The following CACNA2D1 variants were observed in gnomAD, a reference collection of about 807,000 sequenced individuals.
CACNA2D1 encodes voltage-dependent calcium channel subunit alpha-2/delta-1.
A neutral mutation model predicts 171.5 loss-of-function variants in CACNA2D1; 53 were observed. The observed-to-expected ratio is 0.31, with a 90% CI of 0.25 to 0.39. The LOEUF (loss-of-function observed/expected upper bound fraction) is 0.39. CACNA2D1 is among the 10% of genes least tolerant of loss of function. The pLI is 1.00. For synonymous variants in CACNA2D1, 442 were observed against 443.1 expected (o/e 1.00, Z 0.03); for missense variants, 903 against 1,299.8 (o/e 0.69, Z 4.69).
chr7:81,953,816 T>C (rs896160253), intron 38 of CACNA2D1, among the ~76,000 whole-genome samples: 2 of 152,166 alleles, frequency 1.3e-5, no homozygotes, highest in African/African-American at 2.4e-5. Context: ...TTTGTCATCT[T>C]TATACTCTAC....
chr7:82,101,187 C>A lies in CACNA2D1; in HGVS notation c.526+15857G>T, dbSNP rs892244626. ...AAATCTAAAGAAGAAAACAATTCTG[C>A]ACAAGTACCAACTGTATATTACCAA... On this transcript the variant is annotated intron_variant, in intron 6 of 38. Transcript: ENST00000356860. 1.1e-4 allele frequency among the ~76,000 whole-genome samples: 16 copies of A among 152,208 alleles called. No individual in the cohort carries two copies. The East Asian group carries it at 2.9e-3, about 28-fold the overall frequency.
At chr7:81,997,295 A>C in intron 18 of CACNA2D1, 45 bp from the exon 19 acceptor site, 1 of 1,197,320 alleles carries the variant, frequency 8.4e-7, no homozygotes, top group Non-Finnish European at 1.2e-6. Flanking sequence ...ACATTATACA[A>C]TGATGCTGTG....
intron 3 of CACNA2D1, among the ~76,000 whole-genome samples, chr7:82,252,657 C>A (rs942446064): frequency 3.3e-5 from 5 of 152,034 alleles, no homozygotes; most frequent in Non-Finnish European, 7.4e-5. Flanking sequence ...TTTGGGAGGC[C>A]AAGGCGGGCA....
intron 3 of CACNA2D1, among the ~76,000 whole-genome samples, chr7:82,181,071 TTTTTTTGC>T: frequency 7.6e-6 from 1 of 132,184 alleles, no homozygotes; most frequent in East Asian, 2.3e-4. Context: ...TTTTTTTTTT[TTTTTTTGC>T]GTCAGTGAGA....
chr7:82,079,174 G>C (rs544151480), intron 7 of CACNA2D1, among the ~76,000 whole-genome samples: 1 of 152,256 alleles, frequency 6.6e-6, no homozygotes, highest in African/African-American at 2.4e-5. Context: ...AAAATCATGA[G>C]AGTACTCTAA....
intron 3 of CACNA2D1, among the ~76,000 whole-genome samples, chr7:82,295,709 C>T (rs1024738311): frequency 2.4e-4 from 36 of 151,638 alleles, no homozygotes; most frequent in South Asian, 4.2e-4. Context: ...AACACAGGGC[C>T]AGTTTGTGAC....
intron 2 of CACNA2D1, among the ~76,000 whole-genome samples, chr7:82,342,793 A>G (rs1490358797): frequency 1.3e-5 from 2 of 152,138 alleles, no homozygotes; most frequent in Non-Finnish European, 2.9e-5. Context: ...GTGTAATACA[A>G]GGAGTTATGG....
chr7:82,137,963 C>A (rs1377311729), intron 4 of CACNA2D1, among the ~76,000 whole-genome samples: 1 of 152,056 alleles, frequency 6.6e-6, no homozygotes, highest in African/African-American at 2.4e-5. Flanking sequence ...TATTCCCTTT[C>A]CCCCTCCCCG....
At chr7:82,027,916 A>G (rs1290920730) in intron 12 of CACNA2D1, 1 of 152,110 alleles carries the variant, frequency 6.6e-6, no homozygotes, top group African/African-American at 2.4e-5. Context: ...CTATAACATA[A>G]AAGTGCAAGG....
chr7:82,136,937 T>C (rs557310067), intron 4 of CACNA2D1, among the ~76,000 whole-genome samples: 1 of 152,222 alleles, frequency 6.6e-6, no homozygotes, highest in South Asian at 2.1e-4. Flanking sequence ...AAGTGAAAAA[T>C]TGGTAAGTAA....
At chr7:82,085,021 T>C in intron 6 of CACNA2D1, 121 bp from the exon 7 acceptor site, 1 of 902,714 alleles carries the variant, frequency 1.1e-6, no homozygotes, top group East Asian at 2.7e-5. Context: ...ATAACTCTAA[T>C]CCAGTAGTTA....
At chr7:81,967,321 T>C (rs1207015197) in intron 30 of CACNA2D1, 114 bp from the exon 31 acceptor site, 30 of 903,814 alleles carry the variant, frequency 3.3e-5, no homozygotes, top group Non-Finnish European at 4.6e-5. Flanking sequence ...AAAAATAAGA[T>C]TAAACAGTCT....
At chr7:82,256,431 A>G (rs1024470414) in intron 3 of CACNA2D1, among the ~76,000 whole-genome samples, 6 of 152,228 alleles carry the variant, frequency 3.9e-5, no homozygotes, top group African/African-American at 1.4e-4. Context: ...CTTACATTGT[A>G]CAATTCATTG....
intron 3 of CACNA2D1, among the ~76,000 whole-genome samples, chr7:82,178,343 TG>T (rs1796770737): frequency 6.6e-6 from 1 of 152,180 alleles, no homozygotes; most frequent in Non-Finnish European, 1.5e-5. Flanking sequence ...TATCATCTGG[TG>T]AGAACAAAAC....
chr7:82,084,233 A>T (rs1810167570), intron 7 of CACNA2D1, among the ~76,000 whole-genome samples: 3 of 152,184 alleles, frequency 2.0e-5, no homozygotes, highest in Admixed American at 2.0e-4. Flanking sequence ...ATCTTCATTG[A>T]GTATGTATGA....
intron 4 of CACNA2D1, among the ~76,000 whole-genome samples, chr7:82,140,954 T>TTAAAAAAAAAA (rs1368347851): frequency 1.1e-5 from 1 of 91,816 alleles, no homozygotes; most frequent in African/African-American, 5.1e-5. Context: ...GACTCGTCTC[T>TTAAAAAAAAAA]AAAAAAAAAA....
intron 12 of CACNA2D1, among the ~76,000 whole-genome samples, chr7:82,031,603 TTA>T (rs1463300772): frequency 6.6e-6 from 1 of 151,964 alleles, no homozygotes; most frequent in African/African-American, 2.4e-5. Context: ...TAATTTGAAA[TTA>T]TATGTGTATT....
intron 4 of CACNA2D1, among the ~76,000 whole-genome samples, chr7:82,164,067 T>C (rs138536667): frequency 6.6e-6 from 1 of 152,022 alleles, no homozygotes; most frequent in African/African-American, 2.4e-5. Flanking sequence ...TTTGCACAAC[T>C]CCAAGACTGA....
chr7:82,340,559 C>G (rs1364062025), intron 2 of CACNA2D1, among the ~76,000 whole-genome samples: 1 of 151,928 alleles, frequency 6.6e-6, no homozygotes, highest in Non-Finnish European at 1.5e-5. Flanking sequence ...AATCCCATGT[C>G]TGAAGTTGTG....
Sources: allele counts gnomAD v4.1 joint callset (sites outside exome capture counted in the v4.1 genomes callset), GRCh38; gene constraint gnomAD v4.1.1; transcripts MANE v1.5; gene names NCBI Gene and HGNC (gene_info 2026-07-23, HGNC 2026-07-21).